RNF152: variants seen among roughly 807,000 people sequenced by gnomAD.
RNF152 encodes E3 ubiquitin-protein ligase RNF152.
RNF152 carries 11 observed loss-of-function variants against 12.7 expected under a neutral mutation model. The ratio of observed to expected loss-of-function variants is 0.86; its 90% CI spans 0.54 to 1.43. The LOEUF (loss-of-function observed/expected upper bound fraction) is 1.43. Ranked by LOEUF, RNF152 falls within the 40% of genes most tolerant of loss-of-function variation. RNF152 has a pLI of 0.00. For synonymous variants in RNF152, 113 were observed against 120.3 expected (o/e 0.94, Z 0.40); for missense variants, 255 against 274.8 (o/e 0.93, Z 0.51).
At position 61,809,763 on chromosome 18, in the gene RNF152, A is replaced by G. The variant is rs1000100540; in HGVS notation, c.*6089T>C. 1.3e-5 allele frequency: 2 copies of G among 152,070 alleles called. No individual in the cohort carries two copies. Among genetic ancestry groups the G allele is most frequent in the African/African-American group, 4.8e-5 (2 of 41,406 alleles). 9.4% of individuals were successfully genotyped at this position (152,070 alleles called of 1,614,324 possible). A position where few individuals can be genotyped will look rare whatever the true frequency, so the allele number is the denominator to read the frequency against. On this transcript the variant is annotated 3_prime_UTR_variant, in exon 2 of 2. Transcript: ENST00000312828. ...AATAATATAAAAAACCTTAGATTAGAATAATAAAATCGAGCTAATGAGATG... is the reference window on the plus strand; with the variant it reads ...AATAATATAAAAAACCTTAGATTAGGATAATAAAATCGAGCTAATGAGATG...
intron 1 of RNF152, among the ~76,000 whole-genome samples, chr18:61,843,589 G>A (rs1488992213): frequency 3.9e-5 from 6 of 152,026 alleles, no homozygotes; most frequent in Non-Finnish European, 4.4e-5. Context: ...AGCAAAATAT[G>A]GTATGGCCAT....
chr18:61,816,408 T>C lies in RNF152; in HGVS notation c.56A>G (p.Tyr19Cys), dbSNP rs1909093261. ...LLECQICFNY[Y>C]SPRRRPKLLD... The stretch of plus-strand genomic sequence containing the variant: ...CAACTTGGGCCTGCGCCGGGGGCTG[T>C]AGTAATTGAAACAGATCTGACATTC... The change falls in exon 2 of 2, where the codon TAC becomes TGC. Residue 19 changes from tyrosine (Y) to cysteine (C), a missense_variant. Transcript: ENST00000312828. The C allele has an allele frequency of 6.2e-7, 1 of 1,613,710 alleles. No individual in the cohort carries two copies. Among genetic ancestry groups the C allele is most frequent in the Middle Eastern group, 1.7e-4 (1 of 6,060 alleles).
rs1908972420 is a variant in RNF152 at position 61,814,556 on chromosome 18, GTTTA to G, written c.*1292_*1295del. ...ATTACACATTTAAGAACATTTGACA[GTTTA>G]TGAGGAACTGGTCCACTTATATTGG... On this transcript the variant is annotated 3_prime_UTR_variant, in exon 2 of 2. Coordinates refer to ENST00000312828, the MANE Select transcript of RNF152 (RefSeq NM_173557.3). 1 of 152,176 alleles carries G rather than the reference GTTTA, an allele frequency of 6.6e-6. No homozygotes were observed. The highest frequency in any genetic ancestry group is 6.5e-5 in the Admixed American group (1 of 15,276). The allele number at this position is 152,176 out of a possible 1,614,324, so 9.4% of individuals were successfully genotyped here.
intron 1 of RNF152, among the ~76,000 whole-genome samples, chr18:61,851,952 T>A (rs1426469728): frequency 2.0e-5 from 3 of 152,310 alleles, no homozygotes; most frequent in East Asian, 1.9e-4. Flanking sequence ...TTGTGGCTCA[T>A]TAAAATAATT....
At chr18:61,848,204 C>T (rs1226871421) in intron 1 of RNF152, among the ~76,000 whole-genome samples, 1 of 152,104 alleles carries the variant, frequency 6.6e-6, no homozygotes, top group East Asian at 1.9e-4. Flanking sequence ...TATGAGGTAG[C>T]AGGAAGAGCG....
intron 1 of RNF152, among the ~76,000 whole-genome samples, chr18:61,857,161 G>A (rs550502725): frequency 1.2e-4 from 19 of 152,164 alleles, no homozygotes; most frequent in African/African-American, 3.6e-4. Context: ...TGCATTATAC[G>A]TCAGGGTTCA....
intron 1 of RNF152, among the ~76,000 whole-genome samples, chr18:61,865,110 C>T (rs1157581410): frequency 1.3e-5 from 2 of 152,094 alleles, no homozygotes; most frequent in Non-Finnish European, 2.9e-5. Flanking sequence ...GAGCTCAGTA[C>T]CAGGAAATGG....
At chr18:61,825,526 C>T (rs766242800) in intron 1 of RNF152, among the ~76,000 whole-genome samples, 2 of 152,184 alleles carry the variant, frequency 1.3e-5, no homozygotes, top group African/African-American at 4.8e-5. Context: ...ACAACTGACC[C>T]TGTCAGCATC....
rs373156416 is a variant in RNF152 at position 61,823,519 on chromosome 18, G to A, written c.-135-6921C>T. 1.1e-4 allele frequency among the ~76,000 whole-genome samples: 16 copies of A among 152,264 alleles called. No homozygotes were observed. The East Asian group carries it at 1.9e-3, about 18-fold the overall frequency. On this transcript the variant is annotated intron_variant, in intron 1 of 1. Transcript: ENST00000312828. Reference sequence around the variant, plus strand: ...TCGCCATATTGGCCAGGCTGGTCTCGAACTCCTGACTTCAACTGATCTGCC... The same window carrying A: ...TCGCCATATTGGCCAGGCTGGTCTCAAACTCCTGACTTCAACTGATCTGCC...
chr18:61,854,411 C>G (rs2144701061), intron 1 of RNF152, among the ~76,000 whole-genome samples: 1 of 152,296 alleles, frequency 6.6e-6, no homozygotes, highest in East Asian at 1.9e-4. Context: ...GACATACACA[C>G]AGCAACAGCC....
chr18:61,842,111 G>T (rs568773558), intron 1 of RNF152, among the ~76,000 whole-genome samples: 2 of 152,192 alleles, frequency 1.3e-5, no homozygotes, highest in African/African-American at 4.8e-5. Flanking sequence ...TTTTATTAAG[G>T]GTTCACATGT....
intron 1 of RNF152, among the ~76,000 whole-genome samples, chr18:61,855,240 T>C (rs1911168709): frequency 6.6e-6 from 1 of 152,262 alleles, no homozygotes; most frequent in East Asian, 1.9e-4. Context: ...TCAATAAGGA[T>C]GTCATTGTAA....
Position 61,811,937 on chromosome 18 carries a change from T to C in RNF152, c.*3915A>G, listed in dbSNP as rs1304459839. 1.3e-5 allele frequency: 2 copies of C among 152,214 alleles called. No individual in the cohort carries two copies. The highest frequency in any genetic ancestry group is 2.4e-5 in the African/African-American group (1 of 41,450). The allele number at this position is 152,214 out of a possible 1,614,324, so 9.4% of individuals were successfully genotyped here. A position where few individuals can be genotyped will look rare whatever the true frequency, so the allele number is the denominator to read the frequency against. ...TTCTTTAAGCTTCACTGATCATTCC[T>C]TGGCCTAAAATCTATAAGCAACAGT... On this transcript the variant is annotated 3_prime_UTR_variant, in exon 2 of 2. Transcript: ENST00000312828.
chr18:61,842,481 T>C (rs1910497550), intron 1 of RNF152, among the ~76,000 whole-genome samples: 1 of 152,204 alleles, frequency 6.6e-6, no homozygotes, highest in African/African-American at 2.4e-5. Flanking sequence ...GGGGCTTTGT[T>C]TCCCTGGAGA....
rs906535456 is a variant in RNF152, at chr18:61,877,227, A to T, written c.-136+15568T>A. ...TATTTTGGTCAGGGGTTCTGCGTAG[A>T]CACAATGACAAATACAATTGATTGC... On this transcript the variant is annotated intron_variant, in intron 1 of 1. Coordinates refer to ENST00000312828, the MANE Select transcript of RNF152 (RefSeq NM_173557.3). 3.0e-4 allele frequency among the ~76,000 whole-genome samples: 45 copies of T among 152,356 alleles called. 1 individual carries two copies. The highest frequency in any genetic ancestry group is 9.6e-4 in the African/African-American group (40 of 41,594).
chr18:61,851,925 G>A (rs1027161816), intron 1 of RNF152, among the ~76,000 whole-genome samples: 3 of 152,000 alleles, frequency 2.0e-5, no homozygotes, highest in East Asian at 1.9e-4. Context: ...AAAATATAAC[G>A]ACATCTGCAC....
intron 1 of RNF152, among the ~76,000 whole-genome samples, chr18:61,869,660 A>G (rs1340224305): frequency 6.6e-6 from 1 of 152,252 alleles, no homozygotes; most frequent in Non-Finnish European, 1.5e-5. Flanking sequence ...GATCATTAGA[A>G]TAAGTACAGG....
At chr18:61,852,070 C>T (rs1911011070) in intron 1 of RNF152, among the ~76,000 whole-genome samples, 1 of 152,178 alleles carries the variant, frequency 6.6e-6, no homozygotes, top group Admixed American at 6.5e-5. Flanking sequence ...CCAGGGGGCA[C>T]ATGTGCTCTC....
At chr18:61,866,183 C>A (rs1204194575) in intron 1 of RNF152, among the ~76,000 whole-genome samples, 1 of 152,142 alleles carries the variant, frequency 6.6e-6, no homozygotes, top group African/African-American at 2.4e-5. Flanking sequence ...CAAAGCCCAG[C>A]AAACTAGGTT....
Sources: allele counts gnomAD v4.1 joint callset (sites outside exome capture counted in the v4.1 genomes callset), GRCh38; gene constraint gnomAD v4.1.1; transcripts MANE v1.5; gene names NCBI Gene and HGNC (gene_info 2026-07-23, HGNC 2026-07-21).